LPP: variants seen among roughly 807,000 people sequenced by gnomAD.
The protein encoded by LPP is lipoma-preferred partner.
In LPP, 38 loss-of-function variants were observed where a neutral mutation model predicts 60.4. The observed-to-expected ratio is 0.63, with a 90% confidence interval of 0.49 to 0.83. The LOEUF is 0.83. Ranked by LOEUF, LPP falls within the 40% of genes least tolerant of loss-of-function variation. LPP has a pLI of 0.00. For missense variants in LPP, 902 were observed against 783.6 expected (o/e 1.15, Z -1.80); for synonymous variants, 328 against 290.8 (o/e 1.13, Z -1.30).
At chr3:188,519,090 G>C (rs1383493671) in intron 5 of LPP, among the ~76,000 whole-genome samples, 1 of 152,168 alleles carries the variant, frequency 6.6e-6, no homozygotes, top group African/African-American at 2.4e-5. Context: ...TGGGTGAAAG[G>C]TTTTTGACTA....
At chr3:188,767,874 C>T (rs1193350649) in intron 9 of LPP, among the ~76,000 whole-genome samples, 1 of 151,946 alleles carries the variant, frequency 6.6e-6, no homozygotes, top group African/African-American at 2.4e-5. Flanking sequence ...AGAAAATCAA[C>T]CTTAAAGAAA....
At position 188,890,470 on chromosome 3, in the gene LPP, T is replaced by G. The variant is rs1771125739; in HGVS notation, c.*15991T>G. On this transcript the variant is annotated 3_prime_UTR_variant, in exon 12 of 12. Transcript: ENST00000617246. The stretch of plus-strand genomic sequence containing the variant: ...TAAAATCTGTTATAAGCAAGTGATT[T>G]AGGTATTTTCTTTTGTGTTTATGCA... 5.1e-6 allele frequency: 1 copy of G among 194,434 alleles called. No individual in the cohort carries two copies. Among genetic ancestry groups the G allele is most frequent in the South Asian group, 1.9e-4 (1 of 5,198 alleles). 12.0% of individuals were successfully genotyped at this position (194,434 alleles called of 1,614,324 possible). A position where few individuals can be genotyped will look rare whatever the true frequency, so the allele number is the denominator to read the frequency against.
rs769940948 is a variant in LPP, at chr3:188,609,873, A to G, written c.1113+29A>G. 1 of 1,571,512 alleles carries G rather than the reference A, an allele frequency of 6.4e-7. No homozygotes were observed. Among genetic ancestry groups the G allele is most frequent in the South Asian group, 1.2e-5 (1 of 84,036 alleles). On this transcript the variant is annotated intron_variant, in intron 7 of 11. Coordinates refer to ENST00000617246, the MANE Select transcript of LPP (RefSeq NM_001375462.1). This position sits in a 1 kb window ranked among gnomAD's most constrained non-coding sequence, Gnocchi z 6.9. ...AGAAACTCAGTAACATAAGGAGGAG[A>G]ATACAGGGGTGCCTATCTTAGTCTG...
At chr3:188,517,272 G>C (rs1817630464) in intron 5 of LPP, among the ~76,000 whole-genome samples, 1 of 151,846 alleles carries the variant, frequency 6.6e-6, no homozygotes, top group Non-Finnish European at 1.5e-5. Context: ...TTTTTATTAG[G>C]GATACTTTGA....
chr3:188,487,466 T>C (rs1806899721), intron 5 of LPP, among the ~76,000 whole-genome samples: 1 of 152,166 alleles, frequency 6.6e-6, no homozygotes, highest in Non-Finnish European at 1.5e-5. Context: ...ATAAACAAAA[T>C]GCCTGTTGTC....
intron 9 of LPP, among the ~76,000 whole-genome samples, chr3:188,808,841 C>T (rs1311085913): frequency 6.6e-6 from 1 of 152,108 alleles, no homozygotes; most frequent in Non-Finnish European, 1.5e-5. Context: ...TTGCCCCCAT[C>T]CCCCAACAGG....
Position 188,265,281 on chromosome 3 carries a change from G to A in LPP, c.-67+39754G>A, listed in dbSNP as rs1735083732. ...TGGATGGCACAAAAGTTCAGCTATG[G>A]CCATGTGCTTACTGAAGGCCTGTAT... On this transcript the variant is annotated intron_variant, in intron 2 of 11. Coordinates refer to ENST00000617246, the MANE Select transcript of LPP (RefSeq NM_001375462.1). Among the ~76,000 whole-genome samples, 5 of 152,234 alleles carry A rather than the reference G, an allele frequency of 3.3e-5. No individual in the cohort carries two copies. The South Asian group carries it at 1.0e-3, about 32-fold the overall frequency.
chr3:188,765,425 C>T (rs978917862), intron 9 of LPP, among the ~76,000 whole-genome samples: 2 of 152,068 alleles, frequency 1.3e-5, no homozygotes, highest in Admixed American at 6.6e-5. Flanking sequence ...ATTTGTCAAG[C>T]ACTCTCTTGG....
intron 9 of LPP, among the ~76,000 whole-genome samples, chr3:188,809,328 C>T (rs1750160243): frequency 6.6e-6 from 1 of 152,174 alleles, no homozygotes; most frequent in Non-Finnish European, 1.5e-5. Context: ...TATTTCTCCA[C>T]AGCCTGGCCA....
At chr3:188,767,139 T>C (rs906457213) in intron 9 of LPP, among the ~76,000 whole-genome samples, 3 of 151,852 alleles carry the variant, frequency 2.0e-5, no homozygotes, top group Admixed American at 1.3e-4. Context: ...GCATAGCAAA[T>C]AAAATGGTGA....
At chr3:188,521,789 C>G (rs1291633550) in intron 5 of LPP, among the ~76,000 whole-genome samples, 1 of 151,954 alleles carries the variant, frequency 6.6e-6, no homozygotes, top group African/African-American at 2.4e-5. Context: ...AACTATGGCC[C>G]AGGGAAAGAT....
chr3:188,744,723 T>C (rs1197606900), intron 8 of LPP, among the ~76,000 whole-genome samples: 1 of 152,190 alleles, frequency 6.6e-6, no homozygotes, highest in Non-Finnish European at 1.5e-5. Flanking sequence ...CCCTCTTCAG[T>C]TTTTCCTCTA....
At chr3:188,244,684 G>A (rs976979172) in intron 2 of LPP, among the ~76,000 whole-genome samples, 3 of 152,140 alleles carry the variant, frequency 2.0e-5, no homozygotes, top group Non-Finnish European at 4.4e-5. Context: ...TTGTAGAGGT[G>A]CCTTTTCCGT....
intron 7 of LPP, among the ~76,000 whole-genome samples, chr3:188,674,000 A>C (rs2149287655): frequency 6.6e-6 from 1 of 151,998 alleles, no homozygotes; most frequent in Non-Finnish European, 1.5e-5. Flanking sequence ...TAGTGTAGGG[A>C]AGAACATTCC....
chr3:188,853,734 T>C (rs537964939), intron 9 of LPP, among the ~76,000 whole-genome samples: 3 of 152,196 alleles, frequency 2.0e-5, no homozygotes, highest in Non-Finnish European at 4.4e-5. Context: ...CAATCTTTCT[T>C]TCCTTTGATA....
intron 7 of LPP, among the ~76,000 whole-genome samples, chr3:188,650,330 T>G (rs1025784117): frequency 1.3e-5 from 2 of 152,236 alleles, no homozygotes; most frequent in African/African-American, 2.4e-5. Context: ...AATGATTTTT[T>G]TGTGAGCCAG....
At position 188,448,741 on chromosome 3, in the gene LPP, C is replaced by T. The variant is rs369118370; in HGVS notation, c.194-35851C>T. On this transcript the variant is annotated intron_variant, in intron 4 of 11. Coordinates refer to ENST00000617246, the MANE Select transcript of LPP (RefSeq NM_001375462.1). ...GTATATGGCAAATGGTAGTCCTCTC[C>T]CAAACAACATTTGTAAAGAAAATGC... is the stretch of plus-strand genomic sequence containing the variant. Among the ~76,000 whole-genome samples the T allele has an allele frequency of 7.9e-5, 12 of 152,138 alleles. No individual in the cohort carries two copies. The East Asian group carries it at 2.1e-3, about 27-fold the overall frequency.
At chr3:188,762,547 G>C (rs1292796504) in intron 9 of LPP, among the ~76,000 whole-genome samples, 1 of 152,124 alleles carries the variant, frequency 6.6e-6, no homozygotes, top group Non-Finnish European at 1.5e-5. Flanking sequence ...ACTGGAGAAG[G>C]TCTAATCTGA....
chr3:188,409,651 G>A (rs1318407443), intron 4 of LPP, among the ~76,000 whole-genome samples: 1 of 152,088 alleles, frequency 6.6e-6, no homozygotes, highest in Non-Finnish European at 1.5e-5. Context: ...GGATGCATTG[G>A]TGATACCAGC....
Sources: gnomAD v4.1 joint callset for allele counts (sites outside exome capture counted in the v4.1 genomes callset) on GRCh38, gnomAD v4.1.1 for gene constraint, Gnocchi (gnomAD v3.1) non-coding constraint, MANE v1.5 for transcripts, NCBI Gene and HGNC (gene_info 2026-07-23, HGNC 2026-07-21) for gene names.